NLGN1: variants seen among roughly 807,000 people sequenced by gnomAD.
NLGN1 encodes neuroligin 1.
A neutral mutation model predicts 65.5 loss-of-function variants in NLGN1; 12 were observed. That is an observed-to-expected ratio of 0.18 (90% CI 0.12 to 0.30). NLGN1 has a LOEUF of 0.30. NLGN1 is among the 10% of genes least tolerant of loss of function. The probability of loss-of-function intolerance (pLI) is 1.00; values close to 1 mark genes in which losing one functional copy is unlikely to be tolerated. For missense variants in NLGN1, 750 were observed against 1,007.1 expected (o/e 0.74, Z 3.46); for synonymous variants, 350 against 359.5 (o/e 0.97, Z 0.30).
intron 2 of NLGN1, among the ~76,000 whole-genome samples, chr3:173,521,764 A>G (rs1275311435): frequency 6.6e-6 from 1 of 152,194 alleles, no homozygotes; most frequent in Non-Finnish European, 1.5e-5. Context: ...TACTCGTTTA[A>G]TCTTCACAGT....
intron 2 of NLGN1, among the ~76,000 whole-genome samples, chr3:173,490,740 T>C (rs1728994661): frequency 6.6e-6 from 1 of 152,228 alleles, no homozygotes; most frequent in African/African-American, 2.4e-5. Flanking sequence ...GGGATGTTCT[T>C]CCATTTGTTT....
chr3:174,020,616 A>C (rs1579812155), intron 4 of NLGN1, among the ~76,000 whole-genome samples: 1 of 152,222 alleles, frequency 6.6e-6, no homozygotes, highest in African/African-American at 2.4e-5. Context: ...TTTATAAAGG[A>C]TTAATTTTAT....
At chr3:173,893,203 A>G (rs1402310634) in intron 4 of NLGN1, among the ~76,000 whole-genome samples, 1 of 152,106 alleles carries the variant, frequency 6.6e-6, no homozygotes, top group Non-Finnish European at 1.5e-5. Context: ...CTAACTAAAG[A>G]CACTCATCCA....
At chr3:174,005,767 C>A (rs1724236200) in intron 4 of NLGN1, among the ~76,000 whole-genome samples, 2 of 151,682 alleles carry the variant, frequency 1.3e-5, no homozygotes, top group African/African-American at 4.9e-5. Flanking sequence ...TATATGTATT[C>A]CTGAGTGAGG....
intron 4 of NLGN1, among the ~76,000 whole-genome samples, chr3:173,944,124 G>GTTGTGTGTGTGTGT (rs34721217): frequency 0.038 from 5,232 of 139,484 alleles, 127 homozygotes; most frequent in East Asian, 0.1. Context: ...TAATATTATG[G>GTTGTGTGTGTGTGT]GTGTGTGTGT....
chr3:173,814,642 G>C (rs1291160963), intron 4 of NLGN1, among the ~76,000 whole-genome samples: 9 of 152,088 alleles, frequency 5.9e-5, no homozygotes, highest in Non-Finnish European at 1.3e-4. Context: ...GTGTGTGTTA[G>C]GTAATTCATT....
At chr3:173,642,791 A>G in intron 3 of NLGN1, among the ~76,000 whole-genome samples, 1 of 152,220 alleles carries the variant, frequency 6.6e-6, no homozygotes, top group Non-Finnish European at 1.5e-5. Context: ...GATAAATTTC[A>G]AAATGTTTGG....
At chr3:173,739,523 G>A (rs1774302151) in intron 3 of NLGN1, among the ~76,000 whole-genome samples, 1 of 152,072 alleles carries the variant, frequency 6.6e-6, no homozygotes, top group Non-Finnish European at 1.5e-5. Flanking sequence ...TTAATAGCAA[G>A]CTAAGCCATA....
intron 4 of NLGN1, among the ~76,000 whole-genome samples, chr3:173,950,422 C>T (rs1458178492): frequency 6.6e-6 from 1 of 152,090 alleles, no homozygotes; most frequent in Non-Finnish European, 1.5e-5. Flanking sequence ...GCAGTTTTGC[C>T]ATTACTTTCA....
intron 3 of NLGN1, among the ~76,000 whole-genome samples, chr3:173,654,544 A>G (rs1759688029): frequency 6.6e-6 from 1 of 152,118 alleles, no homozygotes; most frequent in Non-Finnish European, 1.5e-5. Flanking sequence ...GGATTACATT[A>G]TTACATTGTT....
chr3:174,135,097 C>T (rs1022682824), intron 4 of NLGN1, among the ~76,000 whole-genome samples: 8 of 152,134 alleles, frequency 5.3e-5, no homozygotes, highest in East Asian at 1.9e-4. Context: ...GATCATCCCA[C>T]GTGTAACACT....
chr3:174,096,461 A>G (rs1288963121), intron 4 of NLGN1, among the ~76,000 whole-genome samples: 1 of 152,044 alleles, frequency 6.6e-6, no homozygotes, highest in Non-Finnish European at 1.5e-5. Context: ...ATATCATTTT[A>G]TAGAGCATTA....
intron 2 of NLGN1, among the ~76,000 whole-genome samples, chr3:173,520,663 C>A (rs1734600600): frequency 6.6e-6 from 1 of 152,082 alleles, no homozygotes; most frequent in Non-Finnish European, 1.5e-5. Context: ...TTGCAGGATG[C>A]ATAACAGGTA....
At chr3:173,540,449 C>G (rs900676835) in intron 2 of NLGN1, among the ~76,000 whole-genome samples, 1 of 152,164 alleles carries the variant, frequency 6.6e-6, no homozygotes, top group Non-Finnish European at 1.5e-5. Flanking sequence ...TGTGTTTTGC[C>G]TCTTTTGTGG....
intron 4 of NLGN1, among the ~76,000 whole-genome samples, chr3:174,206,269 G>T (rs2152782615): frequency 6.6e-6 from 1 of 152,178 alleles, no homozygotes; most frequent in African/African-American, 2.4e-5. Flanking sequence ...TTCTTCACTT[G>T]GTCTCCTCTG....
chr3:173,464,365 CT>C (rs760862608), intron 2 of NLGN1, among the ~76,000 whole-genome samples: 9 of 151,926 alleles, frequency 5.9e-5, no homozygotes, highest in African/African-American at 9.7e-5. Context: ...TCTGCTATTT[CT>C]TAATATTTAC....
rs1751318476 is a variant in NLGN1, at chr3:174,280,282, A to G, written c.1650-199A>G. On this transcript the variant is annotated intron_variant, in intron 6 of 6. Coordinates refer to ENST00000457714, the Ensembl canonical transcript of NLGN1. This position sits in a 1 kb window ranked among gnomAD's most constrained non-coding sequence, Gnocchi z 4.9. Reference sequence around the variant, plus strand: ...TAAGCAGAGAGAACAAGAATGTGAGACTTACTTGCCTTCCATTATCACCCA... The same window carrying G: ...TAAGCAGAGAGAACAAGAATGTGAGGCTTACTTGCCTTCCATTATCACCCA... Among the ~76,000 whole-genome samples the G allele has an allele frequency of 6.6e-6, 1 of 151,986 alleles. No individual in the cohort carries two copies. The highest frequency in any genetic ancestry group is 2.1e-4 in the South Asian group (1 of 4,830).
At chr3:174,060,173 A>G (rs1737082302) in intron 4 of NLGN1, among the ~76,000 whole-genome samples, 1 of 152,130 alleles carries the variant, frequency 6.6e-6, no homozygotes. Flanking sequence ...ATATTAAAGA[A>G]TATATATTTT....
chr3:173,653,477 T>C (rs891665473), intron 3 of NLGN1, among the ~76,000 whole-genome samples: 2 of 152,204 alleles, frequency 1.3e-5, no homozygotes, highest in African/African-American at 2.4e-5. Context: ...AAATGCTTTT[T>C]CTGAATTTAT....
Sources: gnomAD v4.1 joint callset for allele counts (sites outside exome capture counted in the v4.1 genomes callset) on GRCh38, gnomAD v4.1.1 for gene constraint, Gnocchi (gnomAD v3.1) non-coding constraint, MANE v1.5 for transcripts, NCBI Gene and HGNC (gene_info 2026-07-23, HGNC 2026-07-21) for gene names.